The following ALK variants were observed in gnomAD, a reference collection of about 807,000 sequenced individuals.
ALK encodes the protein ALK receptor tyrosine kinase, also known as ALK tyrosine kinase receptor.
ALK carries 74 observed loss-of-function variants against 163.1 expected under a neutral mutation model. The ratio of observed to expected loss-of-function variants is 0.45; its 90% confidence interval spans 0.38 to 0.55. The LOEUF is 0.55. Among genes scored for constraint, ALK ranks in the 20% least tolerant of loss-of-function variants. The pLI is 0.00. For missense variants in ALK, 2,063 were observed against 2,105.3 expected, an observed-to-expected ratio of 0.98 and a Z score of 0.39; for synonymous variants, 960 against 843.2, an observed-to-expected ratio of 1.14 and a Z score of -2.40.
At chr2:29,552,472 C>T (rs963684941) in intron 3 of ALK, among the ~76,000 whole-genome samples, 1 of 152,156 alleles carries the variant, frequency 6.6e-6, no homozygotes, top group African/African-American at 2.4e-5. Flanking sequence ...ACGAGCAATA[C>T]ACAAAGATTC....
chr2:29,641,173 G>A (rs1676689712), intron 3 of ALK, among the ~76,000 whole-genome samples: 1 of 152,084 alleles, frequency 6.6e-6, no homozygotes, highest in East Asian at 1.9e-4. Context: ...GGCAGATATT[G>A]GCAGGTTTCA....
intron 1 of ALK, among the ~76,000 whole-genome samples, chr2:29,908,514 A>C (rs887442065): frequency 1.3e-5 from 2 of 152,132 alleles, no homozygotes; most frequent in Admixed American, 1.3e-4. Flanking sequence ...AAGTGTTTTT[A>C]TTTTTTACTC....
At chr2:29,206,485 T>C (rs1669312650) in intron 26 of ALK, among the ~76,000 whole-genome samples, 1 of 152,100 alleles carries the variant, frequency 6.6e-6, no homozygotes, top group Admixed American at 6.5e-5. Context: ...CTACCCAGGC[T>C]GGTCTTGAAC....
chr2:29,769,830 G>A (rs1349217409), intron 1 of ALK, among the ~76,000 whole-genome samples: 3 of 152,186 alleles, frequency 2.0e-5, no homozygotes, highest in Admixed American at 2.0e-4. Context: ...TTAGATACTG[G>A]GCAGCAAATG....
chr2:29,601,981 C>G (rs1675391651), intron 3 of ALK, among the ~76,000 whole-genome samples: 1 of 152,058 alleles, frequency 6.6e-6, no homozygotes, highest in Non-Finnish European at 1.5e-5. Context: ...ACTCTACCAG[C>G]TCAGTGTCCT....
intron 26 of ALK, among the ~76,000 whole-genome samples, chr2:29,200,934 G>A (rs1193912076): frequency 6.6e-6 from 1 of 150,828 alleles, no homozygotes; most frequent in Non-Finnish European, 1.5e-5. Context: ...ATGATTGATA[G>A]AAATAATAGC....
In ALK at chr2:29,280,162, A is replaced by T. The variant is rs1025391284; in HGVS notation, c.1818-4666T>A. ...AGGTGGCCCACTCTGGGACTGAGGG[A>T]AAGTTCTAGTATGTACCATGTAGAC... On this transcript the variant is annotated intron_variant, in intron 9 of 28. Transcript: ENST00000389048. 2.6e-5 allele frequency among the ~76,000 whole-genome samples: 4 copies of T among 152,002 alleles called. No homozygotes were observed. In the Middle Eastern group the frequency reaches 0.01, roughly 390 times the overall value.
At chr2:29,377,230 C>A (rs1445160585) in intron 5 of ALK, among the ~76,000 whole-genome samples, 1 of 152,132 alleles carries the variant, frequency 6.6e-6, no homozygotes, top group East Asian at 1.9e-4. Flanking sequence ...GTAATCCCAG[C>A]ACTTGGGAAG....
intron 3 of ALK, among the ~76,000 whole-genome samples, chr2:29,680,683 C>A (rs898351891): frequency 5.3e-5 from 8 of 151,930 alleles, no homozygotes; most frequent in African/African-American, 1.7e-4. Flanking sequence ...TTTTCTAAAT[C>A]CAATAGTTGA....
chr2:29,596,593 C>A (rs771150884), intron 3 of ALK, among the ~76,000 whole-genome samples: 3 of 152,054 alleles, frequency 2.0e-5, no homozygotes, highest in African/African-American at 7.2e-5. Flanking sequence ...AAAGGGGAAG[C>A]TAGAGAGGTG....
intron 3 of ALK, among the ~76,000 whole-genome samples, chr2:29,628,349 G>A (rs1349242238): frequency 1.3e-5 from 2 of 152,116 alleles, no homozygotes; most frequent in Non-Finnish European, 2.9e-5. Flanking sequence ...TGAATCACAT[G>A]TGCTCTCTAT....
At chr2:29,795,721 C>G (rs1664291539) in intron 1 of ALK, among the ~76,000 whole-genome samples, 2 of 152,036 alleles carry the variant, frequency 1.3e-5, no homozygotes, top group Non-Finnish European at 2.9e-5. Flanking sequence ...TTATATGAAT[C>G]AACTCTAGTC....
chr2:29,880,296 G>C (rs1187332027), intron 1 of ALK, among the ~76,000 whole-genome samples: 1 of 152,162 alleles, frequency 6.6e-6, no homozygotes, highest in Non-Finnish European at 1.5e-5. Context: ...CTGTGAAGTA[G>C]GAAAAACCAG....
At chr2:29,328,528 A>G in intron 5 of ALK, 47 bp from the exon 6 acceptor site, 1 of 1,613,482 alleles carries the variant, frequency 6.2e-7, no homozygotes, top group Non-Finnish European at 8.5e-7. Context: ...GCATGGCCCC[A>G]GGCAGCAGCT....
chr2:29,195,433 A>G (rs1668998319), intron 28 of ALK, among the ~76,000 whole-genome samples: 1 of 152,214 alleles, frequency 6.6e-6, no homozygotes, highest in African/African-American at 2.4e-5. Context: ...GTCTTTAGTC[A>G]CAATGAAGAG....
chr2:29,477,922 G>A (rs975547059), intron 4 of ALK, among the ~76,000 whole-genome samples: 1 of 152,220 alleles, frequency 6.6e-6, no homozygotes, highest in African/African-American at 2.4e-5. Flanking sequence ...TATAGGCGAA[G>A]CAAGGAAGGC....
intron 5 of ALK, among the ~76,000 whole-genome samples, chr2:29,365,998 C>A (rs1334444540): frequency 6.6e-6 from 1 of 152,112 alleles, no homozygotes; most frequent in Non-Finnish European, 1.5e-5. Context: ...ATTTAGAGAG[C>A]CGCTAGTGCT....
intron 4 of ALK, among the ~76,000 whole-genome samples, chr2:29,405,202 G>T (rs1373746369): frequency 6.6e-6 from 1 of 152,172 alleles, no homozygotes; most frequent in Admixed American, 6.6e-5. Flanking sequence ...GTTCATTAAA[G>T]ATTAATGAGA....
intron 3 of ALK, among the ~76,000 whole-genome samples, chr2:29,659,925 G>A (rs1230354958): frequency 6.6e-6 from 1 of 152,022 alleles, no homozygotes; most frequent in Non-Finnish European, 1.5e-5. Context: ...CAGCTCTGCT[G>A]TTTCTCCCTT....
Sources: allele counts gnomAD v4.1 joint callset (sites outside exome capture counted in the v4.1 genomes callset), GRCh38; gene constraint gnomAD v4.1.1; transcripts MANE v1.5; gene names NCBI Gene and HGNC (gene_info 2026-07-23, HGNC 2026-07-21).